The following TNFRSF11A variants were observed in gnomAD, a reference collection of about 807,000 sequenced individuals.
The protein encoded by TNFRSF11A is tumor necrosis factor receptor superfamily member 11A.
A neutral mutation model predicts 55.7 loss-of-function variants in TNFRSF11A; 32 were observed. The ratio of observed to expected loss-of-function variants is 0.57; its 90% CI spans 0.43 to 0.77. The LOEUF is 0.77. TNFRSF11A is among the 30% of genes least tolerant of loss of function. The pLI is 0.00. For synonymous variants in TNFRSF11A, 311 were observed against 331.0 expected (o/e 0.94, Z 0.65); for missense variants, 753 against 809.8 (o/e 0.93, Z 0.85).
chr18:62,363,494 G>A (rs1473423707), intron 7 of TNFRSF11A, among the ~76,000 whole-genome samples: 1 of 150,196 alleles, frequency 6.7e-6, no homozygotes, highest in Non-Finnish European at 1.5e-5. Flanking sequence ...TCAGCCTCCT[G>A]AGTACCTGGG....
intron 7 of TNFRSF11A, 74 bp from the exon 8 acceptor site, chr18:62,366,634 A>C: frequency 6.8e-7 from 1 of 1,476,674 alleles, no homozygotes; most frequent in Non-Finnish European, 9.5e-7. Context: ...AAATATACAT[A>C]ATAACCTTTA....
intron 9 of TNFRSF11A, chr18:62,373,112 G>A (rs1009623228): frequency 6.6e-6 from 1 of 152,214 alleles, no homozygotes; most frequent in African/African-American, 2.4e-5. Flanking sequence ...TCACCAGCCT[G>A]GATAATCTCA....
chr18:62,354,585 C>G lies in TNFRSF11A; in HGVS notation c.427+51C>G, dbSNP rs746877557. The G allele has an allele frequency of 1.9e-6, 3 of 1,598,706 alleles. No individual in the cohort carries two copies. The Admixed American group carries it at 5.0e-5, about 27-fold the overall frequency. On this transcript the variant is annotated intron_variant, in intron 4 of 9. Coordinates refer to ENST00000586569, the MANE Select transcript of TNFRSF11A (RefSeq NM_003839.4). ...CGGCTCTTGCTGAGCCATGCAAAGC[C>G]AGCTTTGAGACAGTCTTGATAATAG...
intron 7 of TNFRSF11A, among the ~76,000 whole-genome samples, chr18:62,364,680 A>T (rs1909951925): frequency 6.6e-6 from 1 of 152,166 alleles, no homozygotes; most frequent in South Asian, 2.1e-4. Flanking sequence ...TATAATTGCA[A>T]AATAAGAGAA....
rs377112372 is a variant in TNFRSF11A, at chr18:62,354,550, G to T, written c.427+16G>T. ...CAGCACCCGTGTACGGGTTGGATGTGTGCGTCTGTCGGCTCTTGCTGAGCC... is the reference window on the plus strand; with the variant it reads ...CAGCACCCGTGTACGGGTTGGATGTTTGCGTCTGTCGGCTCTTGCTGAGCC... On this transcript the variant is annotated intron_variant, in intron 4 of 9. Coordinates refer to ENST00000586569, the MANE Select transcript of TNFRSF11A (RefSeq NM_003839.4). The T allele has an allele frequency of 1.1e-5, 17 of 1,602,018 alleles. No homozygotes were observed. The African/African-American group carries it at 2.0e-4, about 19-fold the overall frequency.
chr18:62,379,662 C>T (rs1425266864), intron 9 of TNFRSF11A, among the ~76,000 whole-genome samples: 1 of 152,058 alleles, frequency 6.6e-6, no homozygotes, highest in Non-Finnish European at 1.5e-5. Flanking sequence ...TCTCTTTCCA[C>T]GTTAAAGAAC....
rs534611361 is a variant in TNFRSF11A, at chr18:62,353,627, A to C, written c.284-764A>C. On this transcript the variant is annotated intron_variant, in intron 3 of 9. Transcript: ENST00000586569. ...AATTTTATTGAGCAGGTGAATTCACAAATATGAATCTGCAAATAATGAGGA... is the reference window on the plus strand; with the variant it reads ...AATTTTATTGAGCAGGTGAATTCACCAATATGAATCTGCAAATAATGAGGA... Among the ~76,000 whole-genome samples the C allele has an allele frequency of 1.2e-3, 185 of 152,356 alleles. 1 individual carries two copies. Among genetic ancestry groups the C allele is most frequent in the African/African-American group, 4.4e-3 (181 of 41,588 alleles).
At chr18:62,362,969 G>A (rs12970990) in intron 7 of TNFRSF11A, among the ~76,000 whole-genome samples, 17,766 of 152,000 alleles carry the variant, frequency 0.12, 1,475 homozygotes, top group Non-Finnish European at 0.18. Flanking sequence ...TCAGCCTCCC[G>A]AGTAGCTGGG....
chr18:62,328,682 TC>T (rs2046109196), intron 1 of TNFRSF11A, among the ~76,000 whole-genome samples: 1 of 152,158 alleles, frequency 6.6e-6, no homozygotes, highest in Non-Finnish European at 1.5e-5. Context: ...GTGCCACCTT[TC>T]CTCCTGCCCC....
chr18:62,347,933 C>T (rs191259615), intron 1 of TNFRSF11A, among the ~76,000 whole-genome samples: 128 of 151,160 alleles, frequency 8.5e-4, no homozygotes, highest in Non-Finnish European at 1.4e-3. Flanking sequence ...AAAAAAAAAC[C>T]CTGTAATCCC....
At position 62,327,047 on chromosome 18, in the gene TNFRSF11A, TG is replaced by T. The variant is rs903133086; in HGVS notation, c.75+1624del. Among the ~76,000 whole-genome samples, 20 of 151,850 alleles carry T rather than the reference TG, an allele frequency of 1.3e-4. 1 individual carries two copies. In the Middle Eastern group the frequency reaches 0.014, roughly 103 times the overall value. On this transcript the variant is annotated intron_variant, in intron 1 of 9. Transcript: ENST00000586569. ...TGCAAAACAGATTTTGGGGCGGGTT[TG>T]GGGAGGAAGCATATGGTGAGTAAAG...
chr18:62,336,566 T>C lies in TNFRSF11A; in HGVS notation c.75+11139T>C, dbSNP rs143171443. 3.9e-5 allele frequency: 6 copies of C among 152,290 alleles called. No homozygotes were observed. In the East Asian group the frequency reaches 1.2e-3, roughly 29 times the overall value. 9.4% of individuals were successfully genotyped at this position (152,290 alleles called of 1,614,324 possible). A position where few individuals can be genotyped will look rare whatever the true frequency, so the allele number is the denominator to read the frequency against. On this transcript the variant is annotated intron_variant, in intron 1 of 9. Transcript: ENST00000586569. Reference sequence around the variant, plus strand: ...GGAAAAGAAGAGAAAGCAGTTCTTATCTGAAATGAATACAAAGTTAAAGAA... The same window carrying C: ...GGAAAAGAAGAGAAAGCAGTTCTTACCTGAAATGAATACAAAGTTAAAGAA...
intron 1 of TNFRSF11A, 60 bp from the exon 2 acceptor site, chr18:62,348,108 C>CCTAGTT: frequency 7.9e-7 from 1 of 1,271,214 alleles, no homozygotes; most frequent in Non-Finnish European, 1.1e-6. Flanking sequence ...TTTTGTTTTA[C>CCTAGTT]CTAGTTTTAT....
Position 62,368,878 on chromosome 18 carries a change from G to A in TNFRSF11A, c.961G>A (p.Gly321Ser). ...TGTAGGAGGTGGTCCCTACGCACAA[G>A]GCGAAGATGCCAGGATGCTCTCATT... ...TCVGGGPYAQ[G>S]EDARMLSLVS... The change falls in exon 9 of 10, where the codon GGC (glycine) becomes AGC (serine). Residue 321 changes from glycine (G) to serine (S), a missense_variant. Physicochemically the swap from Gly to Ser is moderately conservative, Grantham distance 56. Coordinates refer to ENST00000586569, the MANE Select transcript of TNFRSF11A (RefSeq NM_003839.4). The A allele has an allele frequency of 6.2e-7, 1 of 1,614,208 alleles. No homozygotes were observed. The highest frequency in any genetic ancestry group is 8.5e-7 in the Non-Finnish European group (1 of 1,180,032).
intron 9 of TNFRSF11A, among the ~76,000 whole-genome samples, chr18:62,381,041 G>C (rs1320986013): frequency 6.6e-6 from 1 of 152,040 alleles, no homozygotes; most frequent in African/African-American, 2.4e-5. Flanking sequence ...CTGGGCTTAA[G>C]CATTCACCCA....
rs67721371 is a variant in TNFRSF11A at position 62,367,788 on chromosome 18, CTTTTTTT to C, written c.784-896_784-890del. On this transcript the variant is annotated intron_variant, in intron 8 of 9. Coordinates refer to ENST00000586569, the MANE Select transcript of TNFRSF11A (RefSeq NM_003839.4). ...GATCTTTCTTTCTTTTCTTCTTCTT[CTTTTTTT>C]TTTTTTTTTTTTTTTTGAGACAGAA... Among the ~76,000 whole-genome samples, 572 of 78,690 alleles carry C rather than the reference CTTTTTTT, an allele frequency of 7.3e-3. 6 individuals carry two copies. Among genetic ancestry groups the C allele is most frequent in the African/African-American group, 0.028 (552 of 19,818 alleles). 51.6% of individuals were successfully genotyped at this position (78,690 alleles called of 152,430 possible). A position where few individuals can be genotyped will look rare whatever the true frequency, so the allele number is the denominator to read the frequency against.
At chr18:62,337,035 T>C (rs1234400221) in intron 1 of TNFRSF11A, among the ~76,000 whole-genome samples, 1 of 152,174 alleles carries the variant, frequency 6.6e-6, no homozygotes, top group Admixed American at 6.5e-5. Context: ...GAAATGCTGA[T>C]GGGCCCAATA....
intron 9 of TNFRSF11A, among the ~76,000 whole-genome samples, chr18:62,379,570 T>C (rs1911123927): frequency 6.6e-6 from 1 of 152,200 alleles, no homozygotes; most frequent in Admixed American, 6.5e-5. Context: ...TTGAGGTGAA[T>C]GACACAACCG....
intron 1 of TNFRSF11A, chr18:62,336,352 C>G (rs2046233082): frequency 6.6e-6 from 1 of 152,318 alleles, no homozygotes; most frequent in East Asian, 1.9e-4. Context: ...GGATTTCACC[C>G]TGAAGGCTGG....
Sources: allele counts gnomAD v4.1 joint callset (sites outside exome capture counted in the v4.1 genomes callset), GRCh38; gene constraint gnomAD v4.1.1; transcripts MANE v1.5; gene names NCBI Gene and HGNC (gene_info 2026-07-23, HGNC 2026-07-21).